Variants in PLXDC1 observed in about 807,000 individuals in gnomAD.
PLXDC1 encodes plexin domain containing 1, also known as plexin domain-containing protein 1.
PLXDC1 carries 39 observed loss-of-function variants against 61.3 expected under a neutral mutation model. The observed-to-expected ratio is 0.64, with a 90% confidence interval of 0.49 to 0.83. The LOEUF (loss-of-function observed/expected upper bound fraction) is 0.83, where lower values mean the gene tolerates loss of function less well. Among genes scored for constraint, PLXDC1 ranks in the 40% least tolerant of loss-of-function variants. The probability of loss-of-function intolerance (pLI) is 0.00; values close to 1 mark genes in which losing one functional copy is unlikely to be tolerated. For synonymous variants in PLXDC1, 212 were observed against 254.5 expected (o/e 0.83, Z 1.59); for missense variants, 596 against 666.5 (o/e 0.89, Z 1.17).
At chr17:39,128,219 A>G (rs954816197) in intron 2 of PLXDC1, among the ~76,000 whole-genome samples, 3 of 147,684 alleles carry the variant, frequency 2.0e-5, no homozygotes, top group Non-Finnish European at 3.0e-5. Flanking sequence ...GTGTGTGTGT[A>G]TATATATATT....
chr17:39,078,958 TG>T, intron 10 of PLXDC1, 145 bp downstream of exon 10: 1 of 665,334 alleles, frequency 1.5e-6, no homozygotes, highest in Non-Finnish European at 2.6e-6. Context: ...CAAGGCAGTC[TG>T]GAAAACAAAT....
In PLXDC1 at chr17:39,063,474, C is replaced by G. The variant is rs957044864; in HGVS notation, c.*4366G>C. On this transcript the variant is annotated 3_prime_UTR_variant, in exon 14 of 14. Coordinates refer to ENST00000315392, the MANE Select transcript of PLXDC1 (RefSeq NM_020405.5). ...GGTTGAGGAAAGCACCTCTGATGAG[C>G]AGATAGCTGGAGGCTGTTCCCACAG... is the stretch of plus-strand genomic sequence containing the variant. The G allele has an allele frequency of 1.4e-6, 1 of 702,850 alleles. No individual in the cohort carries two copies. Among genetic ancestry groups the G allele is most frequent in the African/African-American group, 1.7e-5 (1 of 57,238 alleles). The allele number at this position is 702,850 out of a possible 1,614,324, so 43.5% of individuals were successfully genotyped here.
At chr17:39,114,152 TC>T (rs1910895279) in intron 2 of PLXDC1, among the ~76,000 whole-genome samples, 1 of 152,100 alleles carries the variant, frequency 6.6e-6, no homozygotes, top group Non-Finnish European at 1.5e-5. Context: ...GGAGACTTGG[TC>T]CCTGATGACA....
intron 2 of PLXDC1, among the ~76,000 whole-genome samples, chr17:39,128,117 A>ATGTATG (rs1555573191): frequency 8.3e-5 from 8 of 96,412 alleles, no homozygotes; most frequent in Non-Finnish European, 1.4e-4. Flanking sequence ...ATATATATGT[A>ATGTATG]TATATATATG....
At chr17:39,094,470 C>A (rs1369032670) in intron 7 of PLXDC1, among the ~76,000 whole-genome samples, 1 of 151,980 alleles carries the variant, frequency 6.6e-6, no homozygotes, top group Non-Finnish European at 1.5e-5. Context: ...AGACTTCCCC[C>A]ACTCTCAGGC....
intron 9 of PLXDC1, 29 bp downstream of exon 9, chr17:39,083,430 G>A (rs1196256755): frequency 6.3e-7 from 1 of 1,590,736 alleles, no homozygotes; most frequent in Non-Finnish European, 8.6e-7. Flanking sequence ...TCGGCCAGTG[G>A]GAGTCAGCAG....
intron 8 of PLXDC1, among the ~76,000 whole-genome samples, chr17:39,086,372 T>A (rs529371161): frequency 6.6e-6 from 1 of 152,330 alleles, no homozygotes; most frequent in South Asian, 2.1e-4. Flanking sequence ...GAAAGACACC[T>A]GCTGAGCCCT....
At position 39,067,818 on chromosome 17, in the gene PLXDC1, T is replaced by G. The variant is rs1908951533; in HGVS notation, c.*22A>C. 6.2e-7 allele frequency: 1 copy of G among 1,600,448 alleles called. No individual in the cohort carries two copies. The highest frequency in any genetic ancestry group is 1.1e-5 in the South Asian group (1 of 90,212). Reference sequence around the variant, plus strand: ...TGTCTTTTCTGTGGCCTCAAAGTCTTCAAAGGGGAGACTTGGTGTTCTCAG... The same window carrying G: ...TGTCTTTTCTGTGGCCTCAAAGTCTGCAAAGGGGAGACTTGGTGTTCTCAG... On this transcript the variant is annotated 3_prime_UTR_variant, in exon 14 of 14. Transcript: ENST00000315392.
rs1273433004 is a variant in PLXDC1 at position 39,108,898 on chromosome 17, C to T, written c.469+6G>A. On this transcript the variant is annotated splice_donor_region_variant and intron_variant, in intron 4 of 13. Coordinates refer to ENST00000315392, the MANE Select transcript of PLXDC1 (RefSeq NM_020405.5). ...CTCTCCCCGGGGCCCCACGACGTGGCCTTACCTCCAGTTGCTATGGTGATC... is the reference window on the plus strand; with the variant it reads ...CTCTCCCCGGGGCCCCACGACGTGGTCTTACCTCCAGTTGCTATGGTGATC... 5 of 1,610,374 alleles carry T rather than the reference C, an allele frequency of 3.1e-6. No homozygotes were observed. The South Asian group carries it at 4.4e-5, about 14-fold the overall frequency.
intron 11 of PLXDC1, among the ~76,000 whole-genome samples, chr17:39,075,507 T>TA (rs1224089074): frequency 6.6e-5 from 10 of 152,236 alleles, no homozygotes; most frequent in Non-Finnish European, 1.5e-4. Flanking sequence ...AACCTGACTC[T>TA]ATCCCTTCTT....
chr17:39,152,566 G>C (rs1047067498), upstream of PLXDC1: 6 of 1,247,522 alleles, frequency 4.8e-6, no homozygotes. Context: ...TGACGGCAAG[G>C]AGCTGGGGCG....
chr17:39,120,904 T>C (rs1418304163), intron 2 of PLXDC1, among the ~76,000 whole-genome samples: 2 of 152,158 alleles, frequency 1.3e-5, no homozygotes, highest in African/African-American at 2.4e-5. Flanking sequence ...ATTACAGGCA[T>C]GCGCCATCAC....
chr17:39,081,840 G>T (rs534220805), intron 9 of PLXDC1, among the ~76,000 whole-genome samples: 1 of 152,058 alleles, frequency 6.6e-6, no homozygotes, highest in African/African-American at 2.4e-5. Flanking sequence ...CTACAGGGGG[G>T]ACTGAGGCAG....
At chr17:39,107,907 C>A in intron 5 of PLXDC1, 1 of 609,050 alleles carries the variant, frequency 1.6e-6, no homozygotes, top group East Asian at 2.7e-5. Flanking sequence ...CGACTAAGAG[C>A]CAAGCACTGT....
At chr17:39,134,347 G>C (rs963794131) in intron 2 of PLXDC1, among the ~76,000 whole-genome samples, 1 of 151,806 alleles carries the variant, frequency 6.6e-6, no homozygotes, top group Non-Finnish European at 1.5e-5. Flanking sequence ...CCACATTGGC[G>C]GGGTGTGGTG....
intron 7 of PLXDC1, among the ~76,000 whole-genome samples, chr17:39,100,110 C>A (rs1298277651): frequency 6.6e-6 from 1 of 152,198 alleles, no homozygotes; most frequent in Non-Finnish European, 1.5e-5. Context: ...AAGAAGGCCT[C>A]CTTGGGGAAC....
intron 2 of PLXDC1, among the ~76,000 whole-genome samples, chr17:39,120,541 C>T (rs554681584): frequency 6.6e-6 from 1 of 152,014 alleles, no homozygotes; most frequent in East Asian, 1.9e-4. Flanking sequence ...TGATGATTAG[C>T]AAACTTCTTT....
chr17:39,094,035 G>A (rs1444903886), intron 7 of PLXDC1, among the ~76,000 whole-genome samples: 2 of 152,146 alleles, frequency 1.3e-5, no homozygotes, highest in Non-Finnish European at 2.9e-5. Context: ...ACACAAGAAA[G>A]ACCCTTTGCC....
At chr17:39,082,579 A>G (rs1909603306) in intron 9 of PLXDC1, among the ~76,000 whole-genome samples, 1 of 148,334 alleles carries the variant, frequency 6.7e-6, no homozygotes, top group East Asian at 1.9e-4. Flanking sequence ...AAAAAAAAGC[A>G]CTGGAAAGGA....
Sources: gnomAD v4.1 joint callset for allele counts (sites outside exome capture counted in the v4.1 genomes callset) on GRCh38, gnomAD v4.1.1 for gene constraint, MANE v1.5 for transcripts, NCBI Gene and HGNC (gene_info 2026-07-23, HGNC 2026-07-21) for gene names.